Variants in RBFOX1 observed in about 807,000 individuals in gnomAD.
RBFOX1 encodes the protein RNA binding fox-1 homolog 1, also known as RNA binding protein fox-1 homolog 1.
RBFOX1 carries 8 observed loss-of-function variants against 57.7 expected under a neutral mutation model. That is an observed-to-expected ratio of 0.14 (90% CI 0.08 to 0.25). RBFOX1 has a LOEUF of 0.25. Among genes scored for constraint, RBFOX1 ranks in the 10% least tolerant of loss-of-function variants. The pLI, the probability that RBFOX1 is intolerant of heterozygous loss-of-function variation, is 1.00. For synonymous variants in RBFOX1, 326 were observed against 222.4 expected (o/e 1.47, Z -4.15); for missense variants, 611 against 548.5 (o/e 1.11, Z -1.14).
intron 3 of RBFOX1, among the ~76,000 whole-genome samples, chr16:6,964,568 G>A (rs1450868971): frequency 6.6e-6 from 1 of 152,076 alleles, no homozygotes; most frequent in Non-Finnish European, 1.5e-5. Flanking sequence ...GGTATATGGG[G>A]AATCTCTTTA....
intron 2 of RBFOX1, among the ~76,000 whole-genome samples, chr16:6,629,786 G>A (rs906602219): frequency 7.2e-5 from 11 of 152,078 alleles, no homozygotes; most frequent in Admixed American, 2.0e-4. Context: ...AGATAGCTTC[G>A]CTATTAGCCA....
chr16:6,605,215 G>T (rs1490003213), intron 2 of RBFOX1, among the ~76,000 whole-genome samples: 1 of 151,952 alleles, frequency 6.6e-6, no homozygotes, highest in East Asian at 1.9e-4. Context: ...CTGGGTGACA[G>T]AGCAAGACCC....
chr16:5,687,690 G>T (rs1381246556), intron 3 of RBFOX1, among the ~76,000 whole-genome samples: 2 of 152,160 alleles, frequency 1.3e-5, no homozygotes, highest in African/African-American at 4.8e-5. Context: ...TACTGTCTCA[G>T]CTTTAGCACT....
chr16:6,742,444 A>T (rs562530365), intron 3 of RBFOX1, among the ~76,000 whole-genome samples: 1 of 152,302 alleles, frequency 6.6e-6, no homozygotes, highest in South Asian at 2.1e-4. Context: ...ATAAATAGAC[A>T]TTTACCAATG....
At chr16:6,063,759 T>C (rs188987076) in intron 1 of RBFOX1, among the ~76,000 whole-genome samples, 245 of 152,306 alleles carry the variant, frequency 1.6e-3, no homozygotes, top group African/African-American at 5.6e-3. Flanking sequence ...GCTGATGTCT[T>C]GTTCCCTCTT....
At chr16:7,384,114 A>G (rs2097837154) in intron 4 of RBFOX1, among the ~76,000 whole-genome samples, 1 of 151,920 alleles carries the variant, frequency 6.6e-6, no homozygotes, top group South Asian at 2.1e-4. Flanking sequence ...GAGAAAACAT[A>G]TATACATATG....
intron 2 of RBFOX1, among the ~76,000 whole-genome samples, chr16:6,605,321 A>G (rs1013048847): frequency 1.3e-5 from 2 of 152,192 alleles, no homozygotes; most frequent in African/African-American, 4.8e-5. Context: ...CACCTTCCCA[A>G]CATGTTAGCT....
chr16:7,659,576 C>G (rs2067179957), intron 12 of RBFOX1, among the ~76,000 whole-genome samples: 1 of 152,008 alleles, frequency 6.6e-6, no homozygotes, highest in Non-Finnish European at 1.5e-5. Flanking sequence ...CTAACTACAG[C>G]TGATGAGCAA....
rs372590461 is a variant in RBFOX1, at chr16:6,826,043, G to A, written c.-16+171393G>A. Among the ~76,000 whole-genome samples the A allele has an allele frequency of 1.6e-3, 246 of 152,206 alleles. 1 individual carries two copies. Among genetic ancestry groups the A allele is most frequent in the African/African-American group, 5.9e-3 (243 of 41,536 alleles). On this transcript the variant is annotated intron_variant, in intron 3 of 15. Transcript: ENST00000550418. ...CCACATCGTGGTGATGTGCAGAGGT[G>A]GTCCACGTTCATTGCCCAGGTCCCC...
chr16:6,483,895 C>G lies in RBFOX1; in HGVS notation c.-64+166838C>G, dbSNP rs961479978. 5 of 1,148,262 alleles carry G rather than the reference C, an allele frequency of 4.4e-6. No homozygotes were observed. In the African/African-American group the frequency reaches 8.0e-5, roughly 18 times the overall value. 71.1% of individuals were successfully genotyped at this position (1,148,262 alleles called of 1,614,324 possible). ...AGATGGAAGGATGAGGCTGCGTTTG[C>G]AGCGCGTGAATGGGACGCGGTATGT... On this transcript the variant is annotated intron_variant, in intron 2 of 15. Transcript: ENST00000550418.
intron 1 of RBFOX1, among the ~76,000 whole-genome samples, chr16:6,199,527 G>T (rs943671396): frequency 6.6e-6 from 1 of 152,150 alleles, no homozygotes; most frequent in Admixed American, 6.5e-5. Flanking sequence ...TGACTAAAAT[G>T]GTAGTTCTAA....
intron 1 of RBFOX1, among the ~76,000 whole-genome samples, chr16:5,394,870 T>G (rs920283050): frequency 6.6e-6 from 1 of 152,122 alleles, no homozygotes; most frequent in Non-Finnish European, 1.5e-5. Context: ...TTCCTTATTA[T>G]GGCATCTGCA....
In RBFOX1 at chr16:6,525,916, T is replaced by C. The variant is rs182156025; in HGVS notation, c.-63-128687T>C. Among the ~76,000 whole-genome samples the C allele has an allele frequency of 7.9e-5, 12 of 152,124 alleles. No individual in the cohort carries two copies. The East Asian group carries it at 2.3e-3, about 30-fold the overall frequency. ...CCATAGCACACAGGAAATGCCTGTG[T>C]CTGCTACAAGCAGAGAAAAAAAGCA... On this transcript the variant is annotated intron_variant, in intron 2 of 15. Transcript: ENST00000550418.
intron 1 of RBFOX1, among the ~76,000 whole-genome samples, chr16:5,304,857 G>A (rs2063894917): frequency 2.0e-5 from 3 of 152,092 alleles, no homozygotes; most frequent in Admixed American, 2.0e-4. Flanking sequence ...AAACAATATA[G>A]AGAAATGTTT....
At chr16:5,617,962 C>T (rs554723958) in intron 3 of RBFOX1, among the ~76,000 whole-genome samples, 17 of 152,284 alleles carry the variant, frequency 1.1e-4, no homozygotes, top group African/African-American at 3.9e-4. Context: ...CAAGCTCTGG[C>T]ATGCAGAAGG....
intron 4 of RBFOX1, among the ~76,000 whole-genome samples, chr16:7,293,031 A>G (rs1379630026): frequency 6.6e-6 from 1 of 152,138 alleles, no homozygotes; most frequent in Admixed American, 6.6e-5. Context: ...AAAGTCTGGA[A>G]CCAAGACAGT....
chr16:6,991,773 G>A (rs1028755141), intron 3 of RBFOX1, among the ~76,000 whole-genome samples: 1 of 152,144 alleles, frequency 6.6e-6, no homozygotes, highest in Non-Finnish European at 1.5e-5. Context: ...CTGAGCCCAA[G>A]CAATCTGCCT....
At chr16:6,529,183 C>A (rs2096622168) in intron 2 of RBFOX1, among the ~76,000 whole-genome samples, 1 of 152,016 alleles carries the variant, frequency 6.6e-6, no homozygotes, top group African/African-American at 2.4e-5. Context: ...TAAAAAGTAC[C>A]CTATTAAAGA....
intron 3 of RBFOX1, among the ~76,000 whole-genome samples, chr16:5,747,713 G>A (rs4421985): frequency 0.25 from 37,589 of 152,002 alleles, 5,420 homozygotes; most frequent in East Asian, 0.58. Flanking sequence ...TGTGGGATTC[G>A]TGGTGATATC....
Sources: gnomAD v4.1 joint callset for allele counts (sites outside exome capture counted in the v4.1 genomes callset) on GRCh38, gnomAD v4.1.1 for gene constraint, MANE v1.5 for transcripts, NCBI Gene and HGNC (gene_info 2026-07-23, HGNC 2026-07-21) for gene names.